CDH10: variants seen among roughly 807,000 people sequenced by gnomAD.
CDH10 encodes cadherin 10, also known as cadherin-10.
In CDH10, 30 loss-of-function variants were observed where a neutral mutation model predicts 73.1. That is an observed-to-expected ratio of 0.41 (90% CI 0.31 to 0.56). The LOEUF (loss-of-function observed/expected upper bound fraction) is 0.56, where lower values mean the gene tolerates loss of function less well. Among genes scored for constraint, CDH10 ranks in the 20% least tolerant of loss-of-function variants. CDH10 has a pLI of 0.27. For missense variants in CDH10, 815 were observed against 973.7 expected (o/e 0.84, Z 2.17); for synonymous variants, 345 against 348.2 (o/e 0.99, Z 0.10).
chr5:24,632,276 A>T (rs1747726753), intron 1 of CDH10, among the ~76,000 whole-genome samples: 1 of 152,116 alleles, frequency 6.6e-6, no homozygotes, highest in South Asian at 2.1e-4. Context: ...ACTAAATATG[A>T]CTATGACATC....
chr5:24,555,838 G>A lies in CDH10; in HGVS notation c.232-18164C>T, dbSNP rs72749787. Among the ~76,000 whole-genome samples the A allele has an allele frequency of 7.4e-3, 1,111 of 151,056 alleles. 4 individuals are homozygous for A. Among genetic ancestry groups the A allele is most frequent in the Non-Finnish European group, 0.012 (838 of 67,828 alleles). ...CTGTCTTCTAGCAAGGTTAACATAC[G>A]TCTATTGGGATTGGAGAATTCTAAT... is the stretch of plus-strand genomic sequence containing the variant. On this transcript the variant is annotated intron_variant, in intron 2 of 11. Transcript: ENST00000264463.
intron 10 of CDH10, 115 bp from the exon 11 acceptor site, chr5:24,491,942 AT>A: frequency 1.6e-6 from 1 of 637,994 alleles, no homozygotes; most frequent in Non-Finnish European, 2.6e-6. Flanking sequence ...TAAAATTGAT[AT>A]ACATTTTCCT....
At chr5:24,526,361 T>C (rs897719664) in intron 5 of CDH10, among the ~76,000 whole-genome samples, 1 of 151,950 alleles carries the variant, frequency 6.6e-6, no homozygotes, top group South Asian at 2.1e-4. Flanking sequence ...AGACGGAAAA[T>C]GTGTATTTCC....
intron 1 of CDH10, among the ~76,000 whole-genome samples, chr5:24,603,573 T>C (rs747258295): frequency 3.3e-5 from 5 of 152,178 alleles, no homozygotes; most frequent in African/African-American, 7.2e-5. Flanking sequence ...TTTAAAACTA[T>C]GACCATTTCA....
At chr5:24,501,674 G>A (rs1338320979) in intron 8 of CDH10, among the ~76,000 whole-genome samples, 1 of 152,102 alleles carries the variant, frequency 6.6e-6, no homozygotes, top group East Asian at 1.9e-4. Flanking sequence ...ACAGACATTA[G>A]AAAAATATAA....
At chr5:24,609,337 G>C (rs917179704) in intron 1 of CDH10, among the ~76,000 whole-genome samples, 2 of 152,160 alleles carry the variant, frequency 1.3e-5, no homozygotes, top group Non-Finnish European at 2.9e-5. Flanking sequence ...GAGGTTAGAA[G>C]AAGCACAGGC....
chr5:24,499,688 G>GA (rs36056652), intron 8 of CDH10, among the ~76,000 whole-genome samples: 97,181 of 147,294 alleles, frequency 0.66, 32,909 homozygotes, highest in Non-Finnish European at 0.74. Context: ...TTCCATCTCA[G>GA]AAAAAAAAAA....
rs1406331435 is a variant in CDH10, at chr5:24,509,426, A to G, written c.1256+140T>C. On this transcript the variant is annotated intron_variant, in intron 7 of 11. Transcript: ENST00000264463. ...GGCTAATTTTTTGTATCTTTAGTAG[A>G]GACAGGGTTTCACCATGTTGGCCAG... is the stretch of plus-strand genomic sequence containing the variant. 1.7e-5 allele frequency: 11 copies of G among 638,474 alleles called. No individual in the cohort carries two copies. The East Asian group carries it at 2.6e-4, about 15-fold the overall frequency. 39.6% of individuals were successfully genotyped at this position (638,474 alleles called of 1,614,324 possible).
chr5:24,525,527 C>T (rs2111834625), intron 5 of CDH10, among the ~76,000 whole-genome samples: 1 of 151,890 alleles, frequency 6.6e-6, no homozygotes, highest in Admixed American at 6.6e-5. Flanking sequence ...TTTTAATGAG[C>T]TTAAGAGGAA....
intron 2 of CDH10, among the ~76,000 whole-genome samples, chr5:24,545,476 C>T (rs1415167860): frequency 6.6e-6 from 1 of 152,038 alleles, no homozygotes; most frequent in African/African-American, 2.4e-5. Flanking sequence ...GGCATAATGA[C>T]AGAGAATTTT....
At position 24,491,588 on chromosome 5, in the gene CDH10, T is replaced by C. The variant is rs2111635959; in HGVS notation, c.1864A>G (p.Ile622Val). 1.2e-6 allele frequency: 2 copies of C among 1,612,190 alleles called. No homozygotes were observed. Among genetic ancestry groups the C allele is most frequent in the Non-Finnish European group, 1.7e-6 (2 of 1,178,880 alleles). ...GALIAILLCIIILLVIVVLFA... is the reference protein window; with the variant it reads ...GALIAILLCIVILLVIVVLFA... Reference sequence around the variant, plus strand: ...TAAGGTTTCTTACCCAGTAGAATGATGATGCAGAGGAGGATGGCGATCAAG... The same window carrying C: ...TAAGGTTTCTTACCCAGTAGAATGACGATGCAGAGGAGGATGGCGATCAAG... The change falls in exon 11 of 12, where the codon ATC (isoleucine) becomes GTC (valine). Residue 622 changes from isoleucine (I) to valine (V), a missense_variant. Physicochemically the swap from Ile to Val is conservative, Grantham distance 29. Transcript: ENST00000264463.
Position 24,487,967 on chromosome 5 carries a change from C to T in CDH10, c.2063G>A (p.Arg688Gln), listed in dbSNP as rs779851472. Residue 688 changes from arginine (R) to glutamine (Q), a missense_variant, in exon 12 of 12, where the codon CGA (arginine) becomes CAA (glutamine). Physicochemically the swap from Arg to Gln is conservative, Grantham distance 43. This residue lies in a region of CDH10 where 241 missense variants were observed against 240.3 expected (regional missense o/e 1.00). Coordinates refer to ENST00000264463, the MANE Select transcript of CDH10 (RefSeq NM_006727.5). ...PAAIEEKKLR[R>Q]DIIPETLFIP... ...AAATAACGTTTCTGGAATAATATCT[C>T]GCCGGAGCTTTTTTTCCTCAATGGC... 6.2e-6 allele frequency: 10 copies of T among 1,613,930 alleles called. No homozygotes were observed. Among genetic ancestry groups the T allele is most frequent in the African/African-American group, 1.3e-5 (1 of 75,004 alleles).
At chr5:24,622,867 T>C (rs566959618) in intron 1 of CDH10, among the ~76,000 whole-genome samples, 1 of 152,308 alleles carries the variant, frequency 6.6e-6, no homozygotes, top group East Asian at 1.9e-4. Context: ...ATCATTCCGT[T>C]TTGTAAATTT....
At chr5:24,504,524 T>G (rs1279081054) in intron 8 of CDH10, among the ~76,000 whole-genome samples, 1,329 of 125,984 alleles carry the variant, frequency 0.011, 160 homozygotes, top group Non-Finnish European at 0.013. Flanking sequence ...TTTTTTTTTT[T>G]TTTTTTTTTT....
chr5:24,584,475 T>TGTGTGTGAGAGA (rs775491066), intron 2 of CDH10, among the ~76,000 whole-genome samples: 2 of 79,690 alleles, frequency 2.5e-5, no homozygotes, highest in African/African-American at 4.7e-5. Context: ...TGTGTGTGTG[T>TGTGTGTGAGAGA]GAGAGAGAGA....
chr5:24,576,362 C>T (rs973567672), intron 2 of CDH10, among the ~76,000 whole-genome samples: 4 of 152,032 alleles, frequency 2.6e-5, no homozygotes, highest in African/African-American at 4.8e-5. Flanking sequence ...CTTAGAGCCA[C>T]GTGCTTTAGA....
At chr5:24,540,683 C>T (rs73743630) in intron 2 of CDH10, among the ~76,000 whole-genome samples, 1,539 of 151,886 alleles carry the variant, frequency 0.01, 28 homozygotes, top group African/African-American at 0.035. Context: ...GATCCTAAGA[C>T]GACAGAATTA....
At chr5:24,622,985 AGG>A (rs1225071324) in intron 1 of CDH10, among the ~76,000 whole-genome samples, 1 of 152,312 alleles carries the variant, frequency 6.6e-6, no homozygotes, top group Non-Finnish European at 1.5e-5. Flanking sequence ...AGCACTTTCT[AGG>A]GCACATAAAA....
At chr5:24,494,956 T>C (rs978135885) in intron 9 of CDH10, among the ~76,000 whole-genome samples, 13 of 151,228 alleles carry the variant, frequency 8.6e-5, no homozygotes, top group Non-Finnish European at 1.8e-4. Flanking sequence ...AGATAATAGG[T>C]TTTTTTTTCC....
Sources: gnomAD v4.1 joint callset for allele counts (sites outside exome capture counted in the v4.1 genomes callset) on GRCh38, gnomAD v4.1.1 for gene constraint, gnomAD v4.1.1 regional missense constraint, MANE v1.5 for transcripts, NCBI Gene and HGNC (gene_info 2026-07-23, HGNC 2026-07-21) for gene names.